Variants in ANO10 observed in about 807,000 individuals in gnomAD.
ANO10 encodes the protein anoctamin-10.
A neutral mutation model predicts 74.7 loss-of-function variants in ANO10; 77 were observed. That is an observed-to-expected ratio of 1.03 (90% CI 0.86 to 1.25). The LOEUF (loss-of-function observed/expected upper bound fraction) is 1.25, where lower values mean the gene tolerates loss of function less well. ANO10 is among the 50% of genes most tolerant of loss of function. ANO10 has a pLI of 0.00. For synonymous variants in ANO10, 279 were observed against 284.9 expected (o/e 0.98, Z 0.21); for missense variants, 721 against 778.1 (o/e 0.93, Z 0.87).
intron 1 of ANO10, among the ~76,000 whole-genome samples, chr3:43,634,758 G>T (rs1177225899): frequency 6.6e-6 from 1 of 151,502 alleles, no homozygotes; most frequent in Admixed American, 6.6e-5. Flanking sequence ...GTGTTGGGGA[G>T]TAAGGCATCT....
intron 11 of ANO10, among the ~76,000 whole-genome samples, chr3:43,506,664 C>A (rs950152178): frequency 6.6e-6 from 1 of 152,200 alleles, no homozygotes; most frequent in African/African-American, 2.4e-5. Flanking sequence ...AGCCCAGGCC[C>A]ACCCCTGGGC....
chr3:43,548,285 C>T (rs2079292989), intron 11 of ANO10, among the ~76,000 whole-genome samples: 1 of 152,194 alleles, frequency 6.6e-6, no homozygotes, highest in African/African-American at 2.4e-5. Flanking sequence ...CAAGAAAGCA[C>T]ACTACAAGCC....
intron 1 of ANO10, among the ~76,000 whole-genome samples, chr3:43,634,689 A>G (rs1355854282): frequency 6.6e-6 from 1 of 152,198 alleles, no homozygotes; most frequent in Non-Finnish European, 1.5e-5. Flanking sequence ...TCTGGTGACC[A>G]TCCTGGAAGA....
chr3:43,461,806 C>G (rs1027476990), intron 11 of ANO10, among the ~76,000 whole-genome samples: 2 of 152,116 alleles, frequency 1.3e-5, no homozygotes, highest in African/African-American at 4.8e-5. Context: ...ATACAGTAAA[C>G]TGGTACCAGC....
chr3:43,386,850 T>C (rs1301546780), intron 12 of ANO10, among the ~76,000 whole-genome samples: 1 of 152,026 alleles, frequency 6.6e-6, no homozygotes, highest in Non-Finnish European at 1.5e-5. Context: ...AAGCCGCCTA[T>C]GAGTAAGGGT....
chr3:43,594,369 CT>C (rs1471375000), intron 4 of ANO10, among the ~76,000 whole-genome samples: 1 of 152,210 alleles, frequency 6.6e-6, no homozygotes, highest in African/African-American at 2.4e-5. Context: ...AAGTAAAGTA[CT>C]CCTCAGCAAA....
chr3:43,618,965 C>T (rs752046155), intron 1 of ANO10, among the ~76,000 whole-genome samples: 2 of 152,112 alleles, frequency 1.3e-5, no homozygotes, highest in African/African-American at 2.4e-5. Flanking sequence ...CCATGCTCGG[C>T]TAATTTTTTT....
intron 1 of ANO10, among the ~76,000 whole-genome samples, chr3:43,685,493 G>A (rs148708148): frequency 1.8e-3 from 271 of 152,164 alleles, no homozygotes; most frequent in African/African-American, 6.2e-3. Context: ...GACTACTGAA[G>A]CAAACATCTT....
intron 10 of ANO10, 85 bp downstream of exon 10, chr3:43,555,193 G>GGAGC: frequency 1.5e-6 from 2 of 1,375,400 alleles, no homozygotes; most frequent in Non-Finnish European, 2.1e-6. Context: ...TCTCTCTGTA[G>GGAGC]GGCTTACTTT....
intron 11 of ANO10, among the ~76,000 whole-genome samples, chr3:43,451,457 T>C (rs562273953): frequency 2.6e-5 from 4 of 152,340 alleles, no homozygotes; most frequent in Admixed American, 6.5e-5. Context: ...CTTTCAAGTG[T>C]TGATTCTCAA....
chr3:43,445,769 A>G (rs1481755919), intron 11 of ANO10, among the ~76,000 whole-genome samples: 1 of 151,930 alleles, frequency 6.6e-6, no homozygotes, highest in South Asian at 2.1e-4. Flanking sequence ...GCACTATCTC[A>G]GCTCACTACA....
intron 5 of ANO10, 105 bp downstream of exon 5, chr3:43,580,248 A>T: frequency 6.8e-7 from 1 of 1,467,864 alleles, no homozygotes; most frequent in South Asian, 1.1e-5. Flanking sequence ...ATCCCTGCCC[A>T]GTAGAGCACT....
At chr3:43,390,995 A>C (rs1005148302) in intron 12 of ANO10, among the ~76,000 whole-genome samples, 4 of 152,212 alleles carry the variant, frequency 2.6e-5, no homozygotes, top group Admixed American at 6.5e-5. Flanking sequence ...AAAAATTATA[A>C]GCATAGTAAA....
chr3:43,639,791 G>A (rs1172482376), intron 1 of ANO10, among the ~76,000 whole-genome samples: 3 of 150,080 alleles, frequency 2.0e-5, no homozygotes, highest in Non-Finnish European at 3.0e-5. Context: ...AAAAAAAAAA[G>A]AAAGAAAGAA....
chr3:43,490,768 T>G (rs767815778), intron 11 of ANO10, among the ~76,000 whole-genome samples: 1 of 152,138 alleles, frequency 6.6e-6, no homozygotes, highest in Non-Finnish European at 1.5e-5. Flanking sequence ...TAGTCAGGCA[T>G]GAGGAGGGCA....
chr3:43,493,098 T>C (rs1262032027), intron 11 of ANO10, among the ~76,000 whole-genome samples: 1 of 152,178 alleles, frequency 6.6e-6, no homozygotes, highest in Non-Finnish European at 1.5e-5. Flanking sequence ...CATGGAATAC[T>C]ATGCAGCCAT....
chr3:43,566,062 G>T (rs1337480092), intron 7 of ANO10, among the ~76,000 whole-genome samples: 3 of 152,326 alleles, frequency 2.0e-5, no homozygotes, highest in Admixed American at 6.5e-5. Context: ...CTGAGTCAAA[G>T]AAAGGGGTGA....
intron 11 of ANO10, among the ~76,000 whole-genome samples, chr3:43,524,009 C>T (rs1033158083): frequency 6.6e-6 from 1 of 151,948 alleles, no homozygotes; most frequent in African/African-American, 2.4e-5. Context: ...CAGTGGAAGC[C>T]ATGGGGTAGA....
chr3:43,522,173 G>A (rs778277385), intron 11 of ANO10, among the ~76,000 whole-genome samples: 7 of 152,054 alleles, frequency 4.6e-5, no homozygotes, highest in African/African-American at 7.2e-5. Flanking sequence ...TGCCTGCTGC[G>A]TACAGAATTT....
Sources: allele counts gnomAD v4.1 joint callset (sites outside exome capture counted in the v4.1 genomes callset), GRCh38; gene constraint gnomAD v4.1.1; transcripts MANE v1.5; gene names NCBI Gene and HGNC (gene_info 2026-07-23, HGNC 2026-07-21).